The following ZNF296 variants were observed in gnomAD, a reference collection of about 807,000 sequenced individuals.
ZNF296 encodes zinc finger protein 296, also known as zinc finger protein 342.
ZNF296 carries 1 observed loss-of-function variant against 13.2 expected under a neutral mutation model. The ratio of observed to expected loss-of-function variants is 0.08; its 90% CI spans 0.03 to 0.36. The LOEUF (loss-of-function observed/expected upper bound fraction) is 0.36, where lower values mean the gene tolerates loss of function less well. Ranked by LOEUF, ZNF296 falls within the 10% of genes least tolerant of loss-of-function variation. The pLI, the probability that ZNF296 is intolerant of heterozygous loss-of-function variation, is 0.99. For synonymous variants in ZNF296, 303 were observed against 289.0 expected (o/e 1.05, Z -0.49); for missense variants, 555 against 688.2 (o/e 0.81, Z 2.16).
At chr19:45,075,598 TG>T in intron 2 of ZNF296, 114 bp downstream of exon 2, 1 of 1,121,230 alleles carries the variant, frequency 8.9e-7, no homozygotes, top group Non-Finnish European at 1.2e-6. Context: ...CTGCACCCGA[TG>T]GGGAGCGAGA....
chr19:45,076,342 C>G lies in ZNF296; in HGVS notation c.32G>C (p.Arg11Pro). MSRRKAGSAP[R>P]RVEPAPAANP... ...GGCGGCGGGCGCGGGCTCTACTCGG[C>G]GGGGCGCGCTGCCGGCCTTGCGGCG... Residue 11 changes from arginine (R) to proline (P), a missense_variant, in exon 1 of 3, where the codon CGC becomes CCC. Physicochemically the swap from Arg to Pro is moderately radical, Grantham distance 103 (BLOSUM62 -2). Transcript: ENST00000303809. The surrounding 1 kb of genome is among the most constrained non-coding windows in gnomAD (Gnocchi z 4.9). 1 of 1,367,260 alleles carries G rather than the reference C, an allele frequency of 7.3e-7. No individual in the cohort carries two copies. The allele number at this position is 1,367,260 out of a possible 1,614,324, so 84.7% of individuals were successfully genotyped here.
intron 2 of ZNF296, among the ~76,000 whole-genome samples, chr19:45,075,062 C>G (rs1259029160): frequency 2.6e-5 from 4 of 152,190 alleles, no homozygotes; most frequent in Non-Finnish European, 4.4e-5. Context: ...CAACACTGAC[C>G]AAAAGCTCAC....
chr19:45,075,601 G>C, intron 2 of ZNF296, 112 bp downstream of exon 2: 2 of 1,321,868 alleles, frequency 1.5e-6, no homozygotes, highest in Non-Finnish European at 2.1e-6. Context: ...CACCCGATGG[G>C]GAGCGAGAAA....
chr19:45,073,531 G>C (rs558835770), intron 2 of ZNF296, among the ~76,000 whole-genome samples: 1 of 150,608 alleles, frequency 6.6e-6, no homozygotes, highest in East Asian at 2.0e-4. Flanking sequence ...CAGGATGGTC[G>C]CGATCTCCTG....
Position 45,074,138 on chromosome 19 carries a change from C to T in ZNF296, c.449-1558G>A, listed in dbSNP as rs139076017. 9.5e-3 allele frequency among the ~76,000 whole-genome samples: 1,439 copies of T among 152,102 alleles called. 24 individuals carry two copies. Among genetic ancestry groups the T allele is most frequent in the African/African-American group, 0.034 (1,393 of 41,494 alleles). ...CTTCAGGAGGCCAAGGCAGGTGGAC[C>T]ACCTGAGGTCAGGAGTTTGAGACAC... On this transcript the variant is annotated intron_variant, in intron 2 of 2. Coordinates refer to ENST00000303809, the MANE Select transcript of ZNF296 (RefSeq NM_145288.3).
Position 45,072,252 on chromosome 19 carries a change from A to G in ZNF296, c.777T>C (p.Tyr259=), listed in dbSNP as rs1283481064. The G allele has an allele frequency of 1.9e-6, 3 of 1,613,230 alleles. No individual in the cohort carries two copies. The highest frequency in any genetic ancestry group is 2.5e-6 in the Non-Finnish European group (3 of 1,179,764). ...HMRSHTGERP[Y]ACDQCPYACA... is the part of the protein sequence containing the mutation. ...AGGCGTAGGGACACTGGTCGCAAGC[A>G]TAGGGCCGCTCGCCTGTGTGTGAGC... The change falls in exon 3 of 3, where the codon TAT becomes TAC. Residue 259 remains tyrosine, a synonymous_variant. Coordinates refer to ENST00000303809, the MANE Select transcript of ZNF296 (RefSeq NM_145288.3).
rs1967260864 is a variant in ZNF296, at chr19:45,071,841, G to A, written c.1188C>T (p.Thr396=). The change falls in exon 3 of 3, where the codon ACC becomes ACT. Residue 396 remains threonine (T), a synonymous_variant. Transcript: ENST00000303809. ...GSCEFCGKHF[T]NSSNLTVHRR... ...GGTGCACCGTCAGGTTGCTGCTGTTGGTAAAATGCTTCCCGCAGAACTCAC... is the reference window on the plus strand; with the variant it reads ...GGTGCACCGTCAGGTTGCTGCTGTTAGTAAAATGCTTCCCGCAGAACTCAC... 3.1e-6 allele frequency: 5 copies of A among 1,613,276 alleles called. No individual in the cohort carries two copies. The highest frequency in any genetic ancestry group is 4.2e-6 in the Non-Finnish European group (5 of 1,179,992).
Position 45,076,022 on chromosome 19 carries a change from C to T in ZNF296, c.298+54G>A. On this transcript the variant is annotated intron_variant, in intron 1 of 2. Transcript: ENST00000303809. This position sits in a 1 kb window ranked among gnomAD's most constrained non-coding sequence, Gnocchi z 4.9. ...GGGGCCCATGCCCAAAGGGAAGGGT[C>T]CCACCCGAGGGTCAAAGGTAAGGGA... The T allele has an allele frequency of 1.3e-6, 2 of 1,570,262 alleles. No homozygotes were observed. Among genetic ancestry groups the T allele is most frequent in the Non-Finnish European group, 1.7e-6 (2 of 1,162,904 alleles).
At position 45,072,105 on chromosome 19, in the gene ZNF296, G is replaced by C. The variant is rs1967266760; in HGVS notation, c.924C>G (p.Val308=). 2 of 1,609,880 alleles carry C rather than the reference G, an allele frequency of 1.2e-6. No homozygotes were observed. The highest frequency in any genetic ancestry group is 2.7e-5 in the African/African-American group (2 of 74,796). Residue 308 remains valine (V), a synonymous_variant, in exon 3 of 3, where the codon GTC becomes GTG. Coordinates refer to ENST00000303809, the MANE Select transcript of ZNF296 (RefSeq NM_145288.3). Reference sequence around the variant, plus strand: ...GGGTGCTGGTGGGGGCAGCAGCATGGACAGCCGGCTCCGGAGGGGCTGCAG... The same window carrying C: ...GGGTGCTGGTGGGGGCAGCAGCATGCACAGCCGGCTCCGGAGGGGCTGCAG... ...QASAAPPEPA[V]HAAAPTSTLP...
At position 45,072,118 on chromosome 19, in the gene ZNF296, G is replaced by A. The variant is rs143888878; in HGVS notation, c.911C>T (p.Pro304Leu). ...GGCAGCAGCATGGACAGCCGGCTCC[G>A]GAGGGGCTGCAGAGGCCTGCTCCTG... Reference protein sequence around the residue: ...TSQEQASAAPPEPAVHAAAPT... With the variant: ...TSQEQASAAPLEPAVHAAAPT... The change falls in exon 3 of 3, where the codon CCG becomes CTG. Residue 304 changes from proline (P) to leucine (L), a missense_variant. Pro to Leu is a moderately conservative substitution (Grantham distance 98, BLOSUM62 -3). Around this residue, in one of 3 missense-constraint regions of ZNF296, gnomAD observed 410 missense variants for 548.0 expected, o/e 0.75. Coordinates refer to ENST00000303809, the MANE Select transcript of ZNF296 (RefSeq NM_145288.3). The A allele has an allele frequency of 1.4e-4, 223 of 1,607,974 alleles. No homozygotes were observed. Among genetic ancestry groups the A allele is most frequent in the Non-Finnish European group, 1.8e-4 (217 of 1,177,002 alleles).
chr19:45,074,872 C>A (rs1054238098), intron 2 of ZNF296, among the ~76,000 whole-genome samples: 1 of 152,170 alleles, frequency 6.6e-6, no homozygotes, highest in Non-Finnish European at 1.5e-5. Flanking sequence ...GCCCCTCGCT[C>A]GCTCCTCCAG....
At chr19:45,073,333 A>G (rs935794948) in intron 2 of ZNF296, among the ~76,000 whole-genome samples, 1 of 147,294 alleles carries the variant, frequency 6.8e-6, no homozygotes, top group South Asian at 2.2e-4. Flanking sequence ...TTAATTTAGT[A>G]TTTTTTAAAG....
rs1486135762 is a variant in ZNF296 at position 45,076,374 on chromosome 19, G to A, written c.-1C>T. Reference sequence around the variant, plus strand: ...CGCTGCCGGCCTTGCGGCGGGACATGAGTCGCGGGCCGGGCGAGCGAGCGG... The same window carrying A: ...CGCTGCCGGCCTTGCGGCGGGACATAAGTCGCGGGCCGGGCGAGCGAGCGG... On this transcript the variant is annotated 5_prime_UTR_variant, in exon 1 of 3. Transcript: ENST00000303809. The surrounding 1 kb of genome is among the most constrained non-coding windows in gnomAD (Gnocchi z 4.9). 1.5e-6 allele frequency: 2 copies of A among 1,330,208 alleles called. No individual in the cohort carries two copies. Among genetic ancestry groups the A allele is most frequent in the Non-Finnish European group, 1.9e-6 (2 of 1,040,642 alleles). The allele number at this position is 1,330,208 out of a possible 1,614,324, so 82.4% of individuals were successfully genotyped here.
chr19:45,073,976 C>G (rs1354667845), intron 2 of ZNF296, among the ~76,000 whole-genome samples: 1 of 146,966 alleles, frequency 6.8e-6, no homozygotes, highest in Admixed American at 6.7e-5. Flanking sequence ...GAGCCGAGAT[C>G]CCACCACTGC....
In ZNF296 at chr19:45,076,313, G is replaced by C; in HGVS notation, c.61C>G (p.Pro21Ala). 2 of 1,422,960 alleles carry C rather than the reference G, an allele frequency of 1.4e-6. No homozygotes were observed. 88.1% of individuals were successfully genotyped at this position (1,422,960 alleles called of 1,614,324 possible). ...RRVEPAPAAN[P>A]DDEMEMQDLV... ...TCCTGCATTTCCATCTCGTCGTCTGGGTTGGCGGCGGGCGCGGGCTCTACT... is the reference window on the plus strand; with the variant it reads ...TCCTGCATTTCCATCTCGTCGTCTGCGTTGGCGGCGGGCGCGGGCTCTACT... The change falls in exon 1 of 3, where the codon CCA becomes GCA. Residue 21 changes from proline to alanine, a missense_variant. Pro to Ala is a conservative substitution (Grantham distance 27). Coordinates refer to ENST00000303809, the MANE Select transcript of ZNF296 (RefSeq NM_145288.3). The surrounding 1 kb of genome is among the most constrained non-coding windows in gnomAD (Gnocchi z 4.9).
intron 2 of ZNF296, 124 bp from the exon 3 acceptor site, chr19:45,072,704 C>T (rs1259315849): frequency 8.0e-7 from 1 of 1,251,030 alleles, no homozygotes; most frequent in Non-Finnish European, 1.1e-6. Flanking sequence ...CCTGGAAGGA[C>T]CAGGAAGCTG....
rs897909941 is a variant in ZNF296 at position 45,076,123 on chromosome 19, G to A, written c.251C>T (p.Pro84Leu). The A allele has an allele frequency of 5.1e-6, 8 of 1,564,694 alleles. No individual in the cohort carries two copies. The highest frequency in any genetic ancestry group is 2.8e-5 in the African/African-American group (2 of 72,368). Reference sequence around the variant, plus strand: ...CGTCCACAGGGTCCACGGGTTCCGCGGGCCGAGGGCGAGGAGGGCGGCCCC... The same window carrying A: ...CGTCCACAGGGTCCACGGGTTCCGCAGGCCGAGGGCGAGGAGGGCGGCCCC... Reference protein sequence around the residue: ...PAGAALLALGPRNPWTLWTPL... With the variant: ...PAGAALLALGLRNPWTLWTPL... The change falls in exon 1 of 3, where the codon CCG (proline) becomes CTG (leucine). Residue 84 changes from proline to leucine, a missense_variant. Transcript: ENST00000303809. The surrounding 1 kb of genome is among the most constrained non-coding windows in gnomAD (Gnocchi z 4.9).
At chr19:45,075,894 G>A (rs780433716) in intron 1 of ZNF296, 32 bp from the exon 2 acceptor site, 1 of 1,612,338 alleles carries the variant, frequency 6.2e-7, no homozygotes, top group South Asian at 1.1e-5. Flanking sequence ...TGAGCGTGGG[G>A]TGGGGCCAGG....
Position 45,072,143 on chromosome 19 carries a change from G to C in ZNF296, c.886C>G (p.Gln296Glu). 6.2e-7 allele frequency: 1 copy of C among 1,603,610 alleles called. No individual in the cohort carries two copies. Among genetic ancestry groups the C allele is most frequent in the Non-Finnish European group, 8.5e-7 (1 of 1,174,486 alleles). ...GGAGGGGCTGCAGAGGCCTGCTCCTGGCTGGTGTCGGCCATGAGGGGGCTC... is the reference window on the plus strand; with the variant it reads ...GGAGGGGCTGCAGAGGCCTGCTCCTCGCTGGTGTCGGCCATGAGGGGGCTC... ...PQSPLMADTS[Q>E]EQASAAPPEP... Residue 296 changes from glutamine to glutamate, a missense_variant, in exon 3 of 3, where the codon CAG becomes GAG. Physicochemically the swap from Gln to Glu is conservative, Grantham distance 29. Around this residue, in one of 3 missense-constraint regions of ZNF296, gnomAD observed 410 missense variants for 548.0 expected, o/e 0.75. Transcript: ENST00000303809.
Sources: allele counts gnomAD v4.1 joint callset (sites outside exome capture counted in the v4.1 genomes callset), GRCh38; gene constraint gnomAD v4.1.1; regional missense constraint gnomAD v4.1.1; non-coding constraint Gnocchi (gnomAD v3.1); transcripts MANE v1.5; gene names NCBI Gene and HGNC (gene_info 2026-07-23, HGNC 2026-07-21).